The following JAK1 variants were observed in gnomAD, a reference collection of about 807,000 sequenced individuals.
The protein encoded by JAK1 is tyrosine-protein kinase JAK1.
A neutral mutation model predicts 136.6 loss-of-function variants in JAK1; 16 were observed. The ratio of observed to expected loss-of-function variants is 0.12; its 90% CI spans 0.08 to 0.18. The LOEUF (loss-of-function observed/expected upper bound fraction) is 0.18. Ranked by LOEUF, JAK1 falls within the 10% of genes least tolerant of loss-of-function variation. The pLI, the probability that JAK1 is intolerant of heterozygous loss-of-function variation, is 1.00. For synonymous variants in JAK1, 492 were observed against 519.5 expected (o/e 0.95, Z 0.72); for missense variants, 859 against 1,450.1 (o/e 0.59, Z 6.62).
chr1:64,887,936 T>G (rs1412633407), intron 1 of JAK1, among the ~76,000 whole-genome samples: 1 of 152,206 alleles, frequency 6.6e-6, no homozygotes, highest in Non-Finnish European at 1.5e-5. Flanking sequence ...TAGGCAGTGC[T>G]TGCTAACTGC....
rs368841823 is a variant in JAK1, at chr1:65,048,157, T to C, written c.-180-3575A>G. 1.7e-4 allele frequency among the ~76,000 whole-genome samples: 26 copies of C among 151,980 alleles called. No individual in the cohort carries two copies. The East Asian group carries it at 4.1e-3, about 24-fold the overall frequency. ...ATGATTTGGGGGTTCTGGCATAGCC[T>C]CATTTGTCAAGGATGCTGATAAGAA... On this transcript the variant is annotated intron_variant, in intron 1 of 25. Coordinates refer to the JAK1 transcript ENST00000671954.
rs748356487 is a variant in JAK1, at chr1:64,883,341, G to A, written c.141C>T (p.Pro47=). The A allele has an allele frequency of 1.9e-6, 3 of 1,614,132 alleles. No individual in the cohort carries two copies. Among genetic ancestry groups the A allele is most frequent in the Non-Finnish European group, 2.5e-6 (3 of 1,180,014 alleles). Residue 47 remains proline (P), a synonymous_variant, in exon 3 of 25, where the codon CCC becomes CCT. Transcript: ENST00000342505. ...TGTACTCTCCACTGCCCAGCCGGAG[G>A]GGCTCCCTGTCCGACAGATAGAAGA... The part of the protein sequence containing the change: ...EVIFYLSDRE[P]LRLGSGEYTA...
Position 65,053,030 on chromosome 1 carries a change from C to CAAA in JAK1, c.-180-8451_-180-8449dup, listed in dbSNP as rs780968006. The stretch of plus-strand genomic sequence containing the variant: ...TGGTGACAGAGCAAGACTCTTGTCT[C>CAAA]AAAAAAAAAAAAAAAAAAAAAAAAA... On this transcript the variant is annotated intron_variant, in intron 1 of 25. Coordinates refer to the JAK1 transcript ENST00000671954. Among the ~76,000 whole-genome samples, 165 of 43,712 alleles carry CAAA rather than the reference C, an allele frequency of 3.8e-3. 8 individuals are homozygous for CAAA. The highest frequency in any genetic ancestry group is 0.018 in the African/African-American group (149 of 8,266). The allele number at this position is 43,712 out of a possible 152,430, so 28.7% of individuals were successfully genotyped here.
chr1:64,925,594 T>G (rs1048193611), intron 1 of JAK1, among the ~76,000 whole-genome samples: 2 of 152,166 alleles, frequency 1.3e-5, no homozygotes, highest in South Asian at 4.1e-4. Context: ...CTCAAAAATA[T>G]GGGAGAAGAC....
chr1:64,856,159 G>A (rs554559650), intron 10 of JAK1, among the ~76,000 whole-genome samples: 1 of 152,284 alleles, frequency 6.6e-6, no homozygotes, highest in East Asian at 1.9e-4. Context: ...GCCCTTCCAG[G>A]CCATGTCTCC....
At chr1:64,931,729 T>A (rs1645696358) in intron 1 of JAK1, among the ~76,000 whole-genome samples, 1 of 152,058 alleles carries the variant, frequency 6.6e-6, no homozygotes, top group Non-Finnish European at 1.5e-5. Flanking sequence ...GGTAAATTGT[T>A]ACAAAATTAC....
At chr1:64,912,435 T>C (rs934648195) in intron 1 of JAK1, among the ~76,000 whole-genome samples, 1 of 152,212 alleles carries the variant, frequency 6.6e-6, no homozygotes, top group East Asian at 1.9e-4. Flanking sequence ...GGCATACACA[T>C]TGCAATCAGA....
At chr1:64,852,567 G>A (rs936027526) in intron 11 of JAK1, among the ~76,000 whole-genome samples, 5 of 152,150 alleles carry the variant, frequency 3.3e-5, no homozygotes, top group African/African-American at 1.2e-4. Flanking sequence ...CCCGTGGCTG[G>A]TGTCCACAGG....
intron 2 of JAK1, among the ~76,000 whole-genome samples, chr1:65,014,418 A>T (rs958477946): frequency 6.6e-6 from 1 of 151,904 alleles, no homozygotes; most frequent in Non-Finnish European, 1.5e-5. Flanking sequence ...AGGTAGAAAG[A>T]AAAGAAAGAA....
At chr1:64,898,724 A>G (rs1329220032) in intron 1 of JAK1, among the ~76,000 whole-genome samples, 2 of 152,218 alleles carry the variant, frequency 1.3e-5, no homozygotes, top group African/African-American at 4.8e-5. Flanking sequence ...TCATCCAGTT[A>G]AACAGTCTCC....
intron 2 of JAK1, chr1:65,003,632 T>C (rs1646780488): frequency 6.6e-6 from 1 of 152,200 alleles, no homozygotes; most frequent in African/African-American, 2.4e-5. Context: ...TTAAGTGATT[T>C]GCCCAAAGTC....
intron 1 of JAK1, among the ~76,000 whole-genome samples, chr1:64,899,920 C>T (rs577111683): frequency 3.3e-5 from 5 of 152,212 alleles, no homozygotes; most frequent in African/African-American, 9.6e-5. Context: ...ACATGTAATC[C>T]TAAAGAAACG....
At chr1:65,043,369 TAAAAC>T (rs1359464291) in intron 2 of JAK1, among the ~76,000 whole-genome samples, 1 of 152,080 alleles carries the variant, frequency 6.6e-6, no homozygotes, top group Non-Finnish European at 1.5e-5. Flanking sequence ...TCATTAATAA[TAAAAC>T]AAACTCAATA....
intron 2 of JAK1, among the ~76,000 whole-genome samples, chr1:65,025,939 A>T (rs1569901730): frequency 1.3e-5 from 2 of 152,292 alleles, no homozygotes; most frequent in South Asian, 4.2e-4. Flanking sequence ...TTGACCTCCC[A>T]TAATGCTGGG....
chr1:64,839,819 G>A (rs1203608675), intron 19 of JAK1, 24 bp from the exon 20 acceptor site: 1 of 1,578,940 alleles, frequency 6.3e-7, no homozygotes, highest in Non-Finnish European at 8.6e-7. Context: ...TGCATGTGCT[G>A]TTATCAGGGA....
intron 1 of JAK1, chr1:65,067,491 A>G (rs896139660): frequency 2.5e-4 from 36 of 144,814 alleles, no homozygotes; most frequent in African/African-American, 8.2e-4. Flanking sequence ...GGACGTCCAC[A>G]CTCTGCGCCC....
chr1:64,928,316 A>G (rs887101189), intron 1 of JAK1, among the ~76,000 whole-genome samples: 1 of 152,242 alleles, frequency 6.6e-6, no homozygotes, highest in African/African-American at 2.4e-5. Flanking sequence ...GAATAGATTA[A>G]GTTTCCATGC....
intron 19 of JAK1, 78 bp downstream of exon 19, chr1:64,841,167 A>G (rs1448247912): frequency 6.9e-6 from 7 of 1,017,958 alleles, no homozygotes; most frequent in South Asian, 4.1e-5. Flanking sequence ...AATGGAGAGC[A>G]GCTGTACGTG....
At chr1:64,980,171 G>A (rs973538792) in intron 2 of JAK1, among the ~76,000 whole-genome samples, 1 of 152,166 alleles carries the variant, frequency 6.6e-6, no homozygotes, top group Non-Finnish European at 1.5e-5. Flanking sequence ...GATGAGACCT[G>A]TTTGTTGCTG....
Sources: gnomAD v4.1 joint callset for allele counts (sites outside exome capture counted in the v4.1 genomes callset) on GRCh38, gnomAD v4.1.1 for gene constraint, MANE v1.5 for transcripts, NCBI Gene and HGNC (gene_info 2026-07-23, HGNC 2026-07-21) for gene names.